Variants in CLOCK observed in about 807,000 individuals in gnomAD.
CLOCK encodes circadian locomoter output cycles protein kaput.
Under a neutral mutation model 118.4 loss-of-function variants are expected in CLOCK, and 43 were observed. That is an observed-to-expected ratio of 0.36 (90% confidence interval 0.28 to 0.47). CLOCK has a LOEUF of 0.47. CLOCK is among the 20% of genes least tolerant of loss of function. The pLI, the probability that CLOCK is intolerant of heterozygous loss-of-function variation, is 1.00. For synonymous variants in CLOCK, 326 were observed against 339.2 expected (o/e 0.96, Z 0.43); for missense variants, 846 against 999.9 (o/e 0.85, Z 2.08).
rs773798903 is a variant in CLOCK at position 55,463,857 on chromosome 4, T to C, written c.439-52A>G. ...ATAACTTCAATGATTCAAGAGACAA[T>C]TGCTTTAAAAGTACATAATCGCTAT... is the stretch of plus-strand genomic sequence containing the variant. On this transcript the variant is annotated intron_variant, in intron 8 of 22. Coordinates refer to ENST00000513440, the MANE Select transcript of CLOCK (RefSeq NM_004898.4). 12 of 1,552,588 alleles carry C rather than the reference T, an allele frequency of 7.7e-6. 1 individual carries two copies. The South Asian group carries it at 1.3e-4, about 16-fold the overall frequency.
chr4:55,485,665 T>C (rs1337484979), intron 3 of CLOCK, among the ~76,000 whole-genome samples: 2 of 152,184 alleles, frequency 1.3e-5, no homozygotes, highest in African/African-American at 2.4e-5. Flanking sequence ...ACCACAAAGA[T>C]ATGCAATGTC....
chr4:55,502,073 T>A (rs1728484176), intron 2 of CLOCK, among the ~76,000 whole-genome samples: 1 of 152,154 alleles, frequency 6.6e-6, no homozygotes, highest in Admixed American at 6.5e-5. Flanking sequence ...ATTATAAAAG[T>A]CTAAATGTAA....
intron 15 of CLOCK, among the ~76,000 whole-genome samples, chr4:55,451,612 T>C (rs1419041548): frequency 6.6e-6 from 1 of 152,216 alleles, no homozygotes; most frequent in Non-Finnish European, 1.5e-5. Context: ...ATAGCTGGTG[T>C]GTATTTTGGA....
Position 55,442,449 on chromosome 4 carries a change from A to G in CLOCK, c.2088T>C (p.Thr696=). ...ACAACTACCTTATCTGCCTGTCCTG[A>G]GTGAATGTAGTTACTGCAGCACTCT... ...STQSAAVTTF[T]QDRQIRFSQG... The change falls in exon 21 of 23, where the codon ACT becomes ACC. Residue 696 remains threonine, a synonymous_variant. Transcript: ENST00000513440. 6.2e-7 allele frequency: 1 copy of G among 1,609,170 alleles called. No individual in the cohort carries two copies. Among genetic ancestry groups the G allele is most frequent in the Non-Finnish European group, 8.5e-7 (1 of 1,178,886 alleles).
intron 7 of CLOCK, among the ~76,000 whole-genome samples, chr4:55,473,434 T>C (rs75068210): frequency 0.034 from 5,135 of 152,086 alleles, 104 homozygotes; most frequent in Non-Finnish European, 0.054. Context: ...GTTTATAATA[T>C]ATTTATACTC....
chr4:55,451,704 G>C (rs1222742566), intron 15 of CLOCK, among the ~76,000 whole-genome samples: 1 of 152,184 alleles, frequency 6.6e-6, no homozygotes, highest in African/African-American at 2.4e-5. Context: ...TATTACTTCA[G>C]TTTTCATAAT....
intron 15 of CLOCK, among the ~76,000 whole-genome samples, chr4:55,451,146 T>G (rs956574528): frequency 7.9e-5 from 12 of 152,078 alleles, no homozygotes; most frequent in Admixed American, 2.0e-4. Flanking sequence ...CTGTCCCTAA[T>G]TCCCCCATCC....
intron 13 of CLOCK, among the ~76,000 whole-genome samples, chr4:55,454,796 C>T (rs1449729933): frequency 6.6e-6 from 1 of 151,938 alleles, no homozygotes; most frequent in East Asian, 1.9e-4. Context: ...TATGGACCAA[C>T]ATTCGGTGGA....
At chr4:55,441,224 A>G (rs907236377) in intron 21 of CLOCK, among the ~76,000 whole-genome samples, 1 of 152,012 alleles carries the variant, frequency 6.6e-6, no homozygotes, top group East Asian at 1.9e-4. Context: ...ATTAAATATC[A>G]CCTTACCCAG....
At chr4:55,450,328 G>C in intron 15 of CLOCK, 96 bp from the exon 16 acceptor site, 1 of 1,487,062 alleles carries the variant, frequency 6.7e-7, no homozygotes, top group Non-Finnish European at 9.3e-7. Context: ...ATCAGTTTTT[G>C]TCTATAACAA....
intron 2 of CLOCK, among the ~76,000 whole-genome samples, chr4:55,503,918 A>G (rs577493497): frequency 7.2e-6 from 1 of 139,316 alleles, no homozygotes; most frequent in Admixed American, 7.9e-5. Context: ...TAAACAATCA[A>G]TTTTTCTTTA....
intron 5 of CLOCK, among the ~76,000 whole-genome samples, 177 bp downstream of exon 5, chr4:55,479,463 G>A (rs1726763411): frequency 6.6e-6 from 1 of 151,968 alleles, no homozygotes; most frequent in South Asian, 2.1e-4. Context: ...TTTTCCAAAA[G>A]GTCAGAAGAT....
chr4:55,461,106 AT>A (rs1300866462), intron 9 of CLOCK, among the ~76,000 whole-genome samples: 2 of 151,734 alleles, frequency 1.3e-5, no homozygotes, highest in African/African-American at 4.8e-5. Flanking sequence ...ATTTCTCTTT[AT>A]TGTATAGACG....
At chr4:55,496,613 A>C (rs1352792064) in intron 2 of CLOCK, among the ~76,000 whole-genome samples, 1 of 152,256 alleles carries the variant, frequency 6.6e-6, no homozygotes, top group Non-Finnish European at 1.5e-5. Flanking sequence ...TACAGTATTT[A>C]CTAACACAAA....
At chr4:55,509,474 G>A (rs1051898621) in intron 2 of CLOCK, among the ~76,000 whole-genome samples, 6 of 152,120 alleles carry the variant, frequency 3.9e-5, no homozygotes, top group African/African-American at 1.4e-4. Flanking sequence ...AATAAATTTG[G>A]TGGTGTGCAG....
chr4:55,448,641 T>TGTGC (rs2109738919), intron 18 of CLOCK, 138 bp downstream of exon 18: 2 of 587,194 alleles, frequency 3.4e-6, no homozygotes, highest in East Asian at 3.4e-5. Flanking sequence ...TGTGTGTGTG[T>TGTGC]GTGCTCCTAC....
At chr4:55,478,785 C>G in intron 6 of CLOCK, 30 bp downstream of exon 6, 1 of 1,603,658 alleles carries the variant, frequency 6.2e-7, no homozygotes, top group African/African-American at 1.3e-5. Flanking sequence ...CTTTGAGAGT[C>G]TGTTCCATTT....
intron 1 of CLOCK, among the ~76,000 whole-genome samples, chr4:55,521,541 T>C (rs1729845490): frequency 6.6e-6 from 1 of 152,238 alleles, no homozygotes; most frequent in African/African-American, 2.4e-5. Flanking sequence ...TTTATAGAGC[T>C]CACCTTATAG....
At chr4:55,541,667 T>C (rs1157581766) in intron 1 of CLOCK, among the ~76,000 whole-genome samples, 1 of 152,210 alleles carries the variant, frequency 6.6e-6, no homozygotes, top group Non-Finnish European at 1.5e-5. Context: ...TATTTGATGG[T>C]AGACAACAGT....
Sources: allele counts gnomAD v4.1 joint callset (sites outside exome capture counted in the v4.1 genomes callset), GRCh38; gene constraint gnomAD v4.1.1; transcripts MANE v1.5; gene names NCBI Gene and HGNC (gene_info 2026-07-23, HGNC 2026-07-21).